TEX11: variants seen among roughly 807,000 people sequenced by gnomAD.
TEX11 encodes testis expressed 11, also known as testis-expressed protein 11.
A neutral mutation model predicts 84.4 loss-of-function variants in TEX11; 7 were observed. The observed-to-expected ratio is 0.08, with a 90% CI of 0.05 to 0.16. The LOEUF is 0.16. TEX11 is among the 10% of genes least tolerant of loss of function. The pLI, the probability that TEX11 is intolerant of heterozygous loss-of-function variation, is 1.00. For missense variants in TEX11, 551 were observed against 660.5 expected, an observed-to-expected ratio of 0.83 and a Z score of 1.82; for synonymous variants, 264 against 222.8, an observed-to-expected ratio of 1.18 and a Z score of -1.64.
chrX:70,614,650 C>T (rs1390438057), intron 20 of TEX11, among the ~76,000 whole-genome samples: 2 of 111,860 alleles, frequency 1.8e-5, no homozygotes, highest in Non-Finnish European at 3.8e-5. Flanking sequence ...GCCCTAAGGC[C>T]TTGAACCAAC....
intron 9 of TEX11, 42 bp downstream of exon 9, chrX:70,806,663 A>C (rs1228007852): frequency 1.1e-6 from 1 of 926,277 alleles, no homozygotes; most frequent in East Asian, 3.3e-5. Flanking sequence ...GACATCTATG[A>C]TAATATTCCC....
chrX:70,625,389 C>A (rs184873162), intron 18 of TEX11, among the ~76,000 whole-genome samples: 1 of 111,082 alleles, frequency 9.0e-6, no homozygotes, highest in East Asian at 2.8e-4. Context: ...AAAATCTCCT[C>A]TACCAGCAAC....
intron 9 of TEX11, among the ~76,000 whole-genome samples, chrX:70,780,660 G>C (rs893847424): frequency 8.9e-6 from 1 of 112,643 alleles, no homozygotes. Context: ...ATTCCCTCTC[G>C]TGCCTGGCTT....
chrX:70,788,973 T>TATATATATATATATATAG (rs1211700739), intron 9 of TEX11, among the ~76,000 whole-genome samples: 1 of 9,560 alleles, frequency 1.0e-4, no homozygotes, highest in African/African-American at 3.8e-4. Flanking sequence ...TATATATATA[T>TATATATATATATATATAG]AGAGAGAGAG....
In TEX11 at chrX:70,879,802, C is replaced by T. The variant is rs1017660842; in HGVS notation, c.159+186G>A. Among the ~76,000 whole-genome samples the T allele has an allele frequency of 6.3e-5, 7 of 111,083 alleles. 1 individual carries two copies. The highest frequency in any genetic ancestry group is 3.8e-4 in the South Asian group (1 of 2,655). On this transcript the variant is annotated intron_variant, in intron 3 of 29. Transcript: ENST00000374333. ...AAATAAATAAATAATAAATATTAAACGAGCACATATGTTCCCATTGGTTTC... is the reference window on the plus strand; with the variant it reads ...AAATAAATAAATAATAAATATTAAATGAGCACATATGTTCCCATTGGTTTC...
chrX:70,729,823 G>T (rs5936970), intron 11 of TEX11, among the ~76,000 whole-genome samples: 55,900 of 106,055 alleles, frequency 0.53, 11,880 homozygotes, highest in Middle Eastern at 0.67. Context: ...ACAAAGATAT[G>T]CCTCGAGAAG....
intron 13 of TEX11, among the ~76,000 whole-genome samples, chrX:70,718,266 G>C (rs767209972): frequency 8.9e-6 from 1 of 112,182 alleles, no homozygotes; most frequent in African/African-American, 3.2e-5. Flanking sequence ...AGACAAAATA[G>C]GCAATATTTT....
intron 25 of TEX11, among the ~76,000 whole-genome samples, chrX:70,560,893 G>GTTTTTTTTTT (rs745618647): frequency 6.0e-5 from 2 of 33,593 alleles, no homozygotes; most frequent in African/African-American, 2.8e-4. Context: ...CACCACACCG[G>GTTTTTTTTTT]TTTTTTTTTT....
chrX:70,521,540 G>T, the TEX11 span, among the ~76,000 whole-genome samples: 1 of 111,700 alleles, frequency 9.0e-6, no homozygotes, highest in East Asian at 2.8e-4. Flanking sequence ...GCCTCTCAAA[G>T]TGTTGGGATT....
At chrX:70,687,179 GAC>G (rs1225401462) in intron 13 of TEX11, among the ~76,000 whole-genome samples, 2 of 109,584 alleles carry the variant, frequency 1.8e-5, no homozygotes, top group Admixed American at 2.0e-4. Flanking sequence ...CACACACACA[GAC>G]ACACACACAC....
At chrX:70,850,372 T>C (rs1373377826) in intron 7 of TEX11, among the ~76,000 whole-genome samples, 2 of 111,538 alleles carry the variant, frequency 1.8e-5, no homozygotes, top group Non-Finnish European at 1.9e-5. Context: ...TCTATTAACA[T>C]AGCCTAGGAC....
the TEX11 span, among the ~76,000 whole-genome samples, chrX:70,521,083 T>A: frequency 1.8e-5 from 2 of 111,443 alleles, no homozygotes; most frequent in Non-Finnish European, 3.8e-5. Context: ...CCTGACCCCT[T>A]GTGCTTCCTG....
intron 28 of TEX11, among the ~76,000 whole-genome samples, chrX:70,547,502 T>G (rs1368526313): frequency 9.1e-6 from 1 of 110,135 alleles, no homozygotes; most frequent in East Asian, 2.8e-4. Context: ...TGGGAGAAAA[T>G]TTTTGCAACC....
At chrX:70,768,686 A>G (rs1315993839) in intron 9 of TEX11, among the ~76,000 whole-genome samples, 1 of 111,248 alleles carries the variant, frequency 9.0e-6, no homozygotes, top group Non-Finnish European at 1.9e-5. Flanking sequence ...CCATGATCCA[A>G]TCACCTCCCA....
the TEX11 span, among the ~76,000 whole-genome samples, chrX:70,513,028 C>CTT: frequency 2.8e-5 from 3 of 108,479 alleles, 1 homozygote; most frequent in Non-Finnish European, 5.7e-5. Flanking sequence ...TTGTTTTCCT[C>CTT]TTACACAAGA....
intron 20 of TEX11, among the ~76,000 whole-genome samples, chrX:70,617,432 TACATATATAC>T (rs2089332074): frequency 9.4e-6 from 1 of 106,582 alleles, no homozygotes; most frequent in Admixed American, 1.0e-4. Context: ...ACATATATAA[TACATATATAC>T]ACATATACAA....
Position 70,529,206 on chromosome X carries a change from A to C in TEX11, c.2686-19T>G. The stretch of plus-strand genomic sequence containing the variant: ...TATTCATCTGGGAAAGAGAACAACA[A>C]ATAGATTTCTTGAGGGGAAAAAGAA... On this transcript the variant is annotated intron_variant, in intron 29 of 29. Transcript: ENST00000374333. 2 of 1,159,215 alleles carry C rather than the reference A, an allele frequency of 1.7e-6. No homozygotes were observed. The highest frequency in any genetic ancestry group is 2.4e-6 in the Non-Finnish European group (2 of 850,505).
Position 70,690,402 on chromosome X carries a change from T to C in TEX11, c.1005-7577A>G, listed in dbSNP as rs2090224053. 2.7e-5 allele frequency among the ~76,000 whole-genome samples: 3 copies of C among 111,851 alleles called. No homozygotes were observed. In the South Asian group the frequency reaches 1.1e-3, roughly 42 times the overall value. On this transcript the variant is annotated intron_variant, in intron 13 of 29. Transcript: ENST00000374333. Reference sequence around the variant, plus strand: ...GTAAAACTAAAAGTAAACTAAAATATAAAGCAGAGGTTAGGTATAATGGTT... The same window carrying C: ...GTAAAACTAAAAGTAAACTAAAATACAAAGCAGAGGTTAGGTATAATGGTT...
chrX:70,672,334 G>T (rs953216458), intron 15 of TEX11, among the ~76,000 whole-genome samples: 1 of 111,528 alleles, frequency 9.0e-6, no homozygotes, highest in Non-Finnish European at 1.9e-5. Flanking sequence ...GCAAGTTTTT[G>T]TATGGATAAA....
Sources: allele counts gnomAD v4.1 joint callset (sites outside exome capture counted in the v4.1 genomes callset), GRCh38; gene constraint gnomAD v4.1.1; transcripts MANE v1.5; gene names NCBI Gene and HGNC (gene_info 2026-07-23, HGNC 2026-07-21).